The following CPNE8 variants were observed in gnomAD, a reference collection of about 807,000 sequenced individuals.
The protein encoded by CPNE8 is copine-8.
In CPNE8, 45 loss-of-function variants were observed where a neutral mutation model predicts 81.5. The observed-to-expected ratio is 0.55, with a 90% CI of 0.44 to 0.71. The LOEUF is 0.71. CPNE8 is among the 30% of genes least tolerant of loss of function. The probability of loss-of-function intolerance (pLI) is 0.00; values close to 1 mark genes in which losing one functional copy is unlikely to be tolerated. For synonymous variants in CPNE8, 252 were observed against 226.3 expected (o/e 1.11, Z -1.02); for missense variants, 594 against 672.1 (o/e 0.88, Z 1.28).
intron 13 of CPNE8, among the ~76,000 whole-genome samples, chr12:38,709,822 A>G (rs2136706550): frequency 6.6e-6 from 1 of 152,314 alleles, no homozygotes; most frequent in African/African-American, 2.4e-5. Context: ...CCATGAATTT[A>G]TAATCTAACC....
chr12:38,894,532 A>T (rs192305675), intron 1 of CPNE8, among the ~76,000 whole-genome samples: 1 of 152,184 alleles, frequency 6.6e-6, no homozygotes, highest in Non-Finnish European at 1.5e-5. Flanking sequence ...AGATACCAAG[A>T]TAAGTCAGAT....
chr12:38,881,726 T>C (rs1944161346), intron 1 of CPNE8, among the ~76,000 whole-genome samples: 1 of 152,186 alleles, frequency 6.6e-6, no homozygotes, highest in Non-Finnish European at 1.5e-5. Flanking sequence ...AAAAGAAACC[T>C]ATGCTTTGTC....
At chr12:38,869,458 A>G (rs1393298833) in intron 3 of CPNE8, among the ~76,000 whole-genome samples, 2 of 152,212 alleles carry the variant, frequency 1.3e-5, no homozygotes, top group Non-Finnish European at 2.9e-5. Flanking sequence ...TCACTGAAAG[A>G]TCAAGTGCAT....
At chr12:38,830,926 A>T (rs1015076602) in intron 5 of CPNE8, among the ~76,000 whole-genome samples, 8 of 152,176 alleles carry the variant, frequency 5.3e-5, no homozygotes, top group Admixed American at 4.6e-4. Flanking sequence ...GTCTAATGAA[A>T]GGAATGAGAC....
At chr12:38,881,212 A>G (rs1001428714) in intron 1 of CPNE8, among the ~76,000 whole-genome samples, 2 of 148,184 alleles carry the variant, frequency 1.3e-5, no homozygotes, top group Non-Finnish European at 3.0e-5. Flanking sequence ...TCCGTCTCAA[A>G]AAAAAAAAAA....
At chr12:38,725,114 A>G (rs1295601779) in intron 11 of CPNE8, among the ~76,000 whole-genome samples, 2 of 152,186 alleles carry the variant, frequency 1.3e-5, no homozygotes, top group Non-Finnish European at 2.9e-5. Context: ...TGTCTGTAAT[A>G]TTCTTCTCAC....
In CPNE8 at chr12:38,710,413, T is replaced by C. The variant is rs12304541; in HGVS notation, c.915-7492A>G. 5.2e-3 allele frequency among the ~76,000 whole-genome samples: 796 copies of C among 152,194 alleles called. 9 individuals are homozygous for C. Among genetic ancestry groups the C allele is most frequent in the African/African-American group, 0.018 (768 of 41,526 alleles). On this transcript the variant is annotated intron_variant, in intron 13 of 19. Coordinates refer to ENST00000331366, the MANE Select transcript of CPNE8 (RefSeq NM_153634.3). Reference sequence around the variant, plus strand: ...ACTCTTGAGTCATATAGACTGGAGTTTGAAGCCCAGAATCACCACTAGCTA... The same window carrying C: ...ACTCTTGAGTCATATAGACTGGAGTCTGAAGCCCAGAATCACCACTAGCTA...
At chr12:38,848,468 G>C (rs1243642160) in intron 4 of CPNE8, 91 bp downstream of exon 4, 2 of 1,433,514 alleles carry the variant, frequency 1.4e-6, no homozygotes, top group African/African-American at 1.5e-5. Context: ...ATATAATCTA[G>C]AACTCAGTGC....
chr12:38,735,254 GAAAATGA>G (rs60599502), intron 10 of CPNE8, among the ~76,000 whole-genome samples: 83,177 of 151,060 alleles, frequency 0.55, 23,378 homozygotes, highest in East Asian at 0.8. Flanking sequence ...GAGCAGTCAC[GAAAATGA>G]AAGACCCCTT....
intron 6 of CPNE8, among the ~76,000 whole-genome samples, chr12:38,786,846 ATAT>A (rs996511587): frequency 2.6e-5 from 4 of 152,146 alleles, no homozygotes; most frequent in Non-Finnish European, 5.9e-5. Flanking sequence ...CATAAAACAA[ATAT>A]TATCAGAGCT....
intron 1 of CPNE8, among the ~76,000 whole-genome samples, chr12:38,891,595 G>A (rs963138230): frequency 1.3e-5 from 2 of 151,888 alleles, no homozygotes; most frequent in East Asian, 3.9e-4. Context: ...TTACAGGCAG[G>A]CGCCACCATG....
intron 8 of CPNE8, among the ~76,000 whole-genome samples, chr12:38,766,594 A>G (rs1222975345): frequency 6.6e-6 from 1 of 152,170 alleles, no homozygotes; most frequent in East Asian, 1.9e-4. Flanking sequence ...TGGCCAGTGC[A>G]TTCACTGTGA....
intron 10 of CPNE8, among the ~76,000 whole-genome samples, chr12:38,751,679 A>G (rs1449603353): frequency 6.6e-6 from 1 of 151,650 alleles, no homozygotes; most frequent in African/African-American, 2.4e-5. Context: ...TAATTCAGCA[A>G]TAGTGGCACT....
intron 3 of CPNE8, among the ~76,000 whole-genome samples, chr12:38,859,332 ATTTC>A (rs1426581887): frequency 6.6e-6 from 1 of 152,156 alleles, no homozygotes; most frequent in Non-Finnish European, 1.5e-5. Context: ...TTAAGAGATA[ATTTC>A]TTTCTAACAG....
intron 3 of CPNE8, among the ~76,000 whole-genome samples, chr12:38,862,827 A>G (rs912427926): frequency 1.3e-5 from 2 of 152,148 alleles, no homozygotes; most frequent in Non-Finnish European, 2.9e-5. Context: ...CACACACCTG[A>G]AGTCCCAGCT....
chr12:38,675,710 T>C lies in CPNE8; in HGVS notation c.1432+7A>G. The C allele has an allele frequency of 1.9e-6, 3 of 1,570,002 alleles. No individual in the cohort carries two copies. The highest frequency in any genetic ancestry group is 2.6e-6 in the Non-Finnish European group (3 of 1,140,498). On this transcript the variant is annotated splice_region_variant and intron_variant, in intron 18 of 19. Transcript: ENST00000331366. ...CCAAGGAATATTATTGAAATTTTAC[T>C]ACTCACCATCAAATTCTGCTGGTCC...
At chr12:38,896,235 G>T (rs1175185264) in intron 1 of CPNE8, among the ~76,000 whole-genome samples, 1 of 152,082 alleles carries the variant, frequency 6.6e-6, no homozygotes, top group African/African-American at 2.4e-5. Flanking sequence ...CAGAAAATCA[G>T]CTGATGATTC....
Position 38,758,712 on chromosome 12 carries a change from C to A in CPNE8, c.722+2135G>T, listed in dbSNP as rs141434193. Reference sequence around the variant, plus strand: ...TAACATTAAAAATGCTTAGAGAATACCTGGTATGTTAGAAACTTTCAATAA... The same window carrying A: ...TAACATTAAAAATGCTTAGAGAATAACTGGTATGTTAGAAACTTTCAATAA... On this transcript the variant is annotated intron_variant, in intron 10 of 19. Transcript: ENST00000331366. Among the ~76,000 whole-genome samples, 30 of 152,138 alleles carry A rather than the reference C, an allele frequency of 2.0e-4. No homozygotes were observed. In the East Asian group the frequency reaches 5.6e-3, roughly 28 times the overall value.
intron 6 of CPNE8, among the ~76,000 whole-genome samples, chr12:38,824,694 A>T (rs546297100): frequency 6.6e-6 from 1 of 152,206 alleles, no homozygotes. Flanking sequence ...GCTACTTAAG[A>T]TAAATAACAT....
Sources: allele counts gnomAD v4.1 joint callset (sites outside exome capture counted in the v4.1 genomes callset), GRCh38; gene constraint gnomAD v4.1.1; transcripts MANE v1.5; gene names NCBI Gene and HGNC (gene_info 2026-07-23, HGNC 2026-07-21).